Variants in PRKCZ observed in about 807,000 individuals in gnomAD.
PRKCZ encodes the protein protein kinase C zeta type.
Under a neutral mutation model 79.5 loss-of-function variants are expected in PRKCZ, and 33 were observed. The ratio of observed to expected loss-of-function variants is 0.41; its 90% CI spans 0.31 to 0.55. PRKCZ has a LOEUF of 0.55. Among genes scored for constraint, PRKCZ ranks in the 20% least tolerant of loss-of-function variants. PRKCZ has a pLI of 0.19. For synonymous variants in PRKCZ, 342 were observed against 320.9 expected (o/e 1.07, Z -0.70); for missense variants, 578 against 813.5 (o/e 0.71, Z 3.52).
chr1:2,121,676 G>A (rs368106150), intron 4 of PRKCZ, among the ~76,000 whole-genome samples: 519 of 18,490 alleles, frequency 0.028, 98 homozygotes, highest in African/African-American at 0.22. Flanking sequence ...TCGTGGTGGT[G>A]GTTAGGGTCA....
chr1:2,135,937 G>A (rs369834425), intron 5 of PRKCZ, among the ~76,000 whole-genome samples: 1 of 152,144 alleles, frequency 6.6e-6, no homozygotes, highest in East Asian at 1.9e-4. Context: ...GGAAGGGGAG[G>A]TGTCTGGGTG....
chr1:2,094,137 C>A lies in PRKCZ; in HGVS notation c.334+34546C>A, dbSNP rs1666001104. ...CTAGAACCTTCTGCCTGATGCACAA[C>A]CTCAGAGCCCTCCGTCGCCATCCCT... On this transcript the variant is annotated intron_variant, in intron 4 of 17. Coordinates refer to ENST00000378567, the MANE Select transcript of PRKCZ (RefSeq NM_002744.6). This position sits in a 1 kb window ranked among gnomAD's most constrained non-coding sequence, Gnocchi z 7.3. 6.6e-6 allele frequency among the ~76,000 whole-genome samples: 1 copy of A among 152,172 alleles called. No individual in the cohort carries two copies. Among genetic ancestry groups the A allele is most frequent in the Admixed American group, 6.5e-5 (1 of 15,292 alleles).
At chr1:2,146,184 A>T (rs1307160385) in intron 7 of PRKCZ, 76 bp downstream of exon 7, 14 of 1,420,078 alleles carry the variant, frequency 9.9e-6, no homozygotes, top group Non-Finnish European at 1.4e-5. Flanking sequence ...TCTAGCCACG[A>T]GTCCTTTCTC....
At chr1:2,068,508 G>A (rs976423294) in intron 4 of PRKCZ, among the ~76,000 whole-genome samples, 22 of 152,250 alleles carry the variant, frequency 1.4e-4, no homozygotes, top group Admixed American at 1.4e-3. Flanking sequence ...ACCGGTGGTC[G>A]GCTTTGGGGC....
At chr1:2,156,934 G>A (rs1681173073) in intron 10 of PRKCZ, among the ~76,000 whole-genome samples, 1 of 152,218 alleles carries the variant, frequency 6.6e-6, no homozygotes, top group African/African-American at 2.4e-5. Flanking sequence ...GTGTGTGTGT[G>A]TGTAAAGAGA....
rs552919774 is a variant in PRKCZ, at chr1:2,158,921, A to AT, written c.974+2836dup. Among the ~76,000 whole-genome samples, 353 of 149,514 alleles carry AT rather than the reference A, an allele frequency of 2.4e-3. 1 individual carries two copies. Among genetic ancestry groups the AT allele is most frequent in the African/African-American group, 8.1e-3 (331 of 40,678 alleles). The stretch of plus-strand genomic sequence containing the variant: ...TGGGAATAATTCCTATGCATGTCTG[A>AT]TTTTTTTGCCTTTTTTTTTTTTGAG... On this transcript the variant is annotated intron_variant, in intron 10 of 17. Coordinates refer to ENST00000378567, the MANE Select transcript of PRKCZ (RefSeq NM_002744.6).
chr1:2,150,164 A>C (rs1679582106), intron 8 of PRKCZ, among the ~76,000 whole-genome samples: 1 of 149,732 alleles, frequency 6.7e-6, no homozygotes, highest in Admixed American at 6.6e-5. Context: ...TCCGTCTCAA[A>C]AAAAAAAAAA....
intron 4 of PRKCZ, among the ~76,000 whole-genome samples, chr1:2,064,395 TC>T (rs1279756298): frequency 3.9e-5 from 6 of 152,258 alleles, no homozygotes; most frequent in African/African-American, 1.4e-4. Context: ...AATGTTTTTT[TC>T]TTTTGTTGCC....
intron 4 of PRKCZ, among the ~76,000 whole-genome samples, chr1:2,078,831 T>G (rs1235194275): frequency 1.3e-5 from 2 of 151,680 alleles, no homozygotes; most frequent in African/African-American, 4.8e-5. Context: ...CGATCTTTTT[T>G]CTCTGAAGGT....
chr1:2,072,952 C>T (rs1661739720), intron 4 of PRKCZ, among the ~76,000 whole-genome samples: 1 of 152,094 alleles, frequency 6.6e-6, no homozygotes, highest in Non-Finnish European at 1.5e-5. Context: ...CCCCGCGACC[C>T]CCCATGTTTT....
At chr1:2,063,428 T>C (rs951990785) in intron 4 of PRKCZ, among the ~76,000 whole-genome samples, 1 of 152,218 alleles carries the variant, frequency 6.6e-6, no homozygotes, top group Admixed American at 6.5e-5. Context: ...TTCTCCTGTC[T>C]CAGCCTCCCA....
intron 4 of PRKCZ, among the ~76,000 whole-genome samples, chr1:2,105,297 A>T (rs565545565): frequency 6.6e-6 from 1 of 151,890 alleles, no homozygotes; most frequent in Non-Finnish European, 1.5e-5. Flanking sequence ...TGTAGACGCA[A>T]CTCTTGAAAG....
intron 1 of PRKCZ, among the ~76,000 whole-genome samples, chr1:2,054,232 G>A (rs1037772552): frequency 3.3e-5 from 5 of 152,204 alleles, no homozygotes; most frequent in Non-Finnish European, 2.9e-5. Context: ...ACCCCTTCAG[G>A]CTTCTTTTTA....
intron 4 of PRKCZ, among the ~76,000 whole-genome samples, chr1:2,110,590 G>T (rs905792501): frequency 6.6e-6 from 1 of 152,220 alleles, no homozygotes; most frequent in Non-Finnish European, 1.5e-5. Context: ...CAAGTCCCTG[G>T]AGTCCCCTGA....
At chr1:2,140,550 G>C (rs924722212) in intron 5 of PRKCZ, among the ~76,000 whole-genome samples, 27 of 151,890 alleles carry the variant, frequency 1.8e-4, no homozygotes, top group Admixed American at 1.0e-3. Context: ...CCAGGTACTC[G>C]GTAGGCTGAG....
intron 4 of PRKCZ, among the ~76,000 whole-genome samples, chr1:2,117,334 G>A (rs1158314040): frequency 6.6e-6 from 1 of 151,030 alleles, no homozygotes; most frequent in Non-Finnish European, 1.5e-5. Flanking sequence ...GTATTTCAGT[G>A]CTTATGCTGT....
chr1:2,101,140 T>G (rs1427436715), intron 4 of PRKCZ, among the ~76,000 whole-genome samples: 1 of 152,010 alleles, frequency 6.6e-6, no homozygotes, highest in Non-Finnish European at 1.5e-5. Flanking sequence ...GACATGTGAG[T>G]TCCCAACTCT....
chr1:2,123,765 C>T (rs868503214), intron 4 of PRKCZ, among the ~76,000 whole-genome samples: 4 of 7,850 alleles, frequency 5.1e-4, no homozygotes, highest in African/African-American at 3.6e-3. Flanking sequence ...GTTAGGGTCA[C>T]GGTGGTGGTT....
At chr1:2,181,410 G>A (rs1048237563) in intron 16 of PRKCZ, among the ~76,000 whole-genome samples, 1 of 152,238 alleles carries the variant, frequency 6.6e-6, no homozygotes, top group Non-Finnish European at 1.5e-5. Flanking sequence ...TGCAGCCACA[G>A]GGGCAACACC....
Sources: allele counts gnomAD v4.1 joint callset (sites outside exome capture counted in the v4.1 genomes callset), GRCh38; gene constraint gnomAD v4.1.1; non-coding constraint Gnocchi (gnomAD v3.1); transcripts MANE v1.5; gene names NCBI Gene and HGNC (gene_info 2026-07-23, HGNC 2026-07-21).